Variants in ENTPD1 observed in about 807,000 individuals in gnomAD.
ENTPD1 encodes the protein ectonucleoside triphosphate diphosphohydrolase 1.
ENTPD1 carries 33 observed loss-of-function variants against 57.0 expected under a neutral mutation model. The observed-to-expected ratio is 0.58, with a 90% CI of 0.44 to 0.77. The LOEUF (loss-of-function observed/expected upper bound fraction) is 0.77, where lower values mean the gene tolerates loss of function less well. Among genes scored for constraint, ENTPD1 ranks in the 30% least tolerant of loss-of-function variants. The pLI is 0.00. For missense variants in ENTPD1, 501 were observed against 603.4 expected, an observed-to-expected ratio of 0.83 and a Z score of 1.78; for synonymous variants, 202 against 218.8, an observed-to-expected ratio of 0.92 and a Z score of 0.68.
rs545505983 is a variant in ENTPD1, at chr10:95,832,497, G to A, written c.145-7194G>A. ...ACCTAGGTGGGGCGGTAGCTTTGACGTCTGCTTGGTTCCCCACTTCCTTGT... is the reference window on the plus strand; with the variant it reads ...ACCTAGGTGGGGCGGTAGCTTTGACATCTGCTTGGTTCCCCACTTCCTTGT... On this transcript the variant is annotated intron_variant, in intron 2 of 9. Transcript: ENST00000371205. Among the ~76,000 whole-genome samples the A allele has an allele frequency of 7.2e-5, 11 of 152,246 alleles. No homozygotes were observed. In the East Asian group the frequency reaches 1.7e-3, roughly 24 times the overall value.
At chr10:95,762,794 G>T (rs1226321831) in intron 1 of ENTPD1, among the ~76,000 whole-genome samples, 1 of 152,092 alleles carries the variant, frequency 6.6e-6, no homozygotes. Flanking sequence ...CAAAGGTTGG[G>T]CCCTTCATGC....
chr10:95,755,902 GGAGT>G (rs1015165235), upstream of ENTPD1: 1 of 1,512,590 alleles, frequency 6.6e-7, no homozygotes, highest in Non-Finnish European at 8.8e-7. Context: ...GAAGAGGGAG[GGAGT>G]AAGGGAGAGA....
chr10:95,733,611 A>C lies in ENTPD1; in HGVS notation c.37+21618A>C, dbSNP rs138039253. 8.5e-3 allele frequency among the ~76,000 whole-genome samples: 1,290 copies of C among 152,362 alleles called. 16 individuals are homozygous for C. The highest frequency in any genetic ancestry group is 0.012 in the Non-Finnish European group (846 of 68,028). The stretch of plus-strand genomic sequence containing the variant: ...TAATTTGGGGAACTAATAAATGTCC[A>C]TGAAATCTTCACAATTTATGTTCTC... On this transcript the variant is annotated intron_variant, in intron 1 of 9. Coordinates refer to the ENTPD1 transcript ENST00000453258.
chr10:95,850,101 A>G (rs1400990062), intron 7 of ENTPD1, among the ~76,000 whole-genome samples: 1 of 152,140 alleles, frequency 6.6e-6, no homozygotes, highest in Non-Finnish European at 1.5e-5. Context: ...GCAGGGAGAG[A>G]TAGGGGCTGG....
intron 1 of ENTPD1, among the ~76,000 whole-genome samples, chr10:95,734,539 G>C (rs1039317090): frequency 6.6e-6 from 1 of 152,210 alleles, no homozygotes; most frequent in African/African-American, 2.4e-5. Context: ...GCTTCTTCCA[G>C]CTGGGCAGAG....
chr10:95,810,417 G>C (rs1318620476), intron 1 of ENTPD1, among the ~76,000 whole-genome samples: 1 of 148,070 alleles, frequency 6.8e-6, no homozygotes, highest in Non-Finnish European at 1.5e-5. Context: ...AGGGCGGCTG[G>C]GCAGAGGCGC....
intron 2 of ENTPD1, among the ~76,000 whole-genome samples, chr10:95,833,257 G>A (rs2098401667): frequency 6.6e-6 from 1 of 152,048 alleles, no homozygotes; most frequent in Admixed American, 6.6e-5. Context: ...ACTTAAAAAT[G>A]GTTACAATGG....
chr10:95,849,330 A>G (rs547608353), intron 7 of ENTPD1, among the ~76,000 whole-genome samples: 2 of 152,230 alleles, frequency 1.3e-5, no homozygotes, highest in Admixed American at 1.3e-4. Flanking sequence ...TATGCACTAT[A>G]TGTATATTAT....
intron 7 of ENTPD1, among the ~76,000 whole-genome samples, chr10:95,849,987 A>G (rs548568483): frequency 1.6e-4 from 25 of 152,340 alleles, no homozygotes; most frequent in African/African-American, 4.6e-4. Context: ...AGAAAGTTTC[A>G]CTTCCTGGGA....
At chr10:95,718,896 T>C (rs1180400439) in intron 1 of ENTPD1, among the ~76,000 whole-genome samples, 1 of 152,258 alleles carries the variant, frequency 6.6e-6, no homozygotes, top group Non-Finnish European at 1.5e-5. Context: ...AGTTATGTTC[T>C]ATCTTTTCTT....
chr10:95,868,758 A>G lies in ENTPD1; in HGVS notation c.*2375A>G. The G allele has an allele frequency of 1.0e-6, 1 of 985,402 alleles. No individual in the cohort carries two copies. The highest frequency in any genetic ancestry group is 4.7e-5 in the South Asian group (1 of 21,276). The allele number at this position is 985,402 out of a possible 1,614,324, so 61.0% of individuals were successfully genotyped here. A position where few individuals can be genotyped will look rare whatever the true frequency, so the allele number is the denominator to read the frequency against. ...CTTTTCTAAACACTTTCCCTCAGCA[A>G]GTTGGAATTAGACTTCACAAGTCTC... On this transcript the variant is annotated 3_prime_UTR_variant, in exon 10 of 10. Transcript: ENST00000371205.
chr10:95,721,439 C>G (rs1274049079), intron 1 of ENTPD1, among the ~76,000 whole-genome samples: 1 of 152,128 alleles, frequency 6.6e-6, no homozygotes, highest in Non-Finnish European at 1.5e-5. Context: ...GTTATGGTGG[C>G]ACTTCTCTCA....
rs1476364063 is a variant in ENTPD1, at chr10:95,866,172, T to C, written c.1327-5T>C. 6.2e-7 allele frequency: 1 copy of C among 1,612,688 alleles called. No homozygotes were observed. Among genetic ancestry groups the C allele is most frequent in the South Asian group, 1.1e-5 (1 of 90,820 alleles). On this transcript the variant is annotated splice_polypyrimidine_tract_variant and splice_region_variant and intron_variant, in intron 9 of 9. Transcript: ENST00000371205. ...CCACAAACAGACTTTCCCCACTGTT[T>C]GCAGATCCAGGGCAGCGACGCCGGC...
intron 2 of ENTPD1, among the ~76,000 whole-genome samples, chr10:95,829,207 G>A (rs1341762337): frequency 6.6e-6 from 1 of 152,182 alleles, no homozygotes; most frequent in East Asian, 1.9e-4. Flanking sequence ...GTGATTCCAA[G>A]GAAACAAGGA....
At chr10:95,773,589 A>G (rs1213682166) in intron 1 of ENTPD1, among the ~76,000 whole-genome samples, 1 of 152,148 alleles carries the variant, frequency 6.6e-6, no homozygotes, top group Non-Finnish European at 1.5e-5. Context: ...TCAATTAATA[A>G]TGGCTTAAAC....
In ENTPD1 at chr10:95,847,407, C is replaced by T. The variant is rs182583287; in HGVS notation, c.814-39C>T. ...CAGACTGTACCTTTTGTATCCAAAG[C>T]GTTCACACATGATGCTTTCAAGTGA... On this transcript the variant is annotated intron_variant, in intron 6 of 9. Coordinates refer to ENST00000371205, the MANE Select transcript of ENTPD1 (RefSeq NM_001776.6). 1,228 of 1,613,068 alleles carry T rather than the reference C, an allele frequency of 7.6e-4. 9 individuals are homozygous for T. Among genetic ancestry groups the T allele is most frequent in the South Asian group, 6.0e-3 (543 of 91,046 alleles).
intron 7 of ENTPD1, among the ~76,000 whole-genome samples, chr10:95,856,012 G>A (rs757826447): frequency 5.3e-5 from 8 of 152,138 alleles, no homozygotes; most frequent in Non-Finnish European, 1.0e-4. Context: ...AGTTCTCCTG[G>A]ATAATATCCC....
At chr10:95,732,286 C>A (rs529781130) in intron 1 of ENTPD1, among the ~76,000 whole-genome samples, 1 of 152,190 alleles carries the variant, frequency 6.6e-6, no homozygotes, top group Non-Finnish European at 1.5e-5. Flanking sequence ...GCTTGTTCTG[C>A]CCTAGCTGTA....
chr10:95,726,389 T>C (rs867641743), intron 1 of ENTPD1, among the ~76,000 whole-genome samples: 31 of 152,328 alleles, frequency 2.0e-4, no homozygotes, highest in Middle Eastern at 3.4e-3. Flanking sequence ...TCTTCTTGTC[T>C]TCCAAAAATT....
Sources: allele counts gnomAD v4.1 joint callset (sites outside exome capture counted in the v4.1 genomes callset), GRCh38; gene constraint gnomAD v4.1.1; transcripts MANE v1.5; gene names NCBI Gene and HGNC (gene_info 2026-07-23, HGNC 2026-07-21).